TRPM7: variants seen among roughly 807,000 people sequenced by gnomAD.
TRPM7 encodes transient receptor potential cation channel subfamily M member 7, also known as LTRPC ion channel family member 7.
A neutral mutation model predicts 229.7 loss-of-function variants in TRPM7; 134 were observed. That is an observed-to-expected ratio of 0.58 (90% CI 0.51 to 0.67). The LOEUF is 0.67. Among genes scored for constraint, TRPM7 ranks in the 30% least tolerant of loss-of-function variants. The pLI is 0.00. For synonymous variants in TRPM7, 699 were observed against 715.2 expected (o/e 0.98, Z 0.36); for missense variants, 1,901 against 2,210.0 (o/e 0.86, Z 2.80).
rs781233688 is a variant in TRPM7, at chr15:50,609,532, C to A, written c.2580+49G>T. On this transcript the variant is annotated intron_variant, in intron 19 of 38. Coordinates refer to ENST00000646667, the MANE Select transcript of TRPM7 (RefSeq NM_017672.6). ...TATGGATTCCGAACCAATGGTCCCC[C>A]AAAGCCTAACTCTTAAAAACATTAT... 3 of 1,540,172 alleles carry A rather than the reference C, an allele frequency of 1.9e-6. 1 individual carries two copies. Among genetic ancestry groups the A allele is most frequent in the Middle Eastern group, 4.5e-4 (2 of 4,424 alleles).
intron 2 of TRPM7, among the ~76,000 whole-genome samples, chr15:50,662,477 T>C (rs2061751245): frequency 6.6e-6 from 1 of 152,224 alleles, no homozygotes; most frequent in Non-Finnish European, 1.5e-5. Flanking sequence ...CACAGACACC[T>C]ATAGTCTCTG....
intron 3 of TRPM7, among the ~76,000 whole-genome samples, chr15:50,651,265 C>G (rs1293594509): frequency 6.6e-6 from 1 of 152,106 alleles, no homozygotes; most frequent in African/African-American, 2.4e-5. Context: ...AATAAAATCA[C>G]TAAATGAAGA....
Position 50,631,490 on chromosome 15 carries a change from C to A in TRPM7, c.1132-1G>T. 1.3e-6 allele frequency: 2 copies of A among 1,584,432 alleles called. No homozygotes were observed. Among genetic ancestry groups the A allele is most frequent in the South Asian group, 2.2e-5 (2 of 90,062 alleles). On this transcript the variant is annotated splice_acceptor_variant, in intron 9 of 38. Transcript: ENST00000646667. LOFTEE classifies it high-confidence loss of function. ...CTGACCCAATATGGAAAACAGTGAT[C>A]TATTTAAAGATAAATTTATAACATT...
At chr15:50,661,399 C>A (rs1375492317) in intron 2 of TRPM7, among the ~76,000 whole-genome samples, 1 of 152,064 alleles carries the variant, frequency 6.6e-6, no homozygotes, top group African/African-American at 2.4e-5. Context: ...AATAAAGCCA[C>A]CAAATGTTAT....
intron 24 of TRPM7, 32 bp from the exon 25 acceptor site, chr15:50,593,781 A>T: frequency 6.3e-7 from 1 of 1,578,954 alleles, no homozygotes. Context: ...AAAATCAAGG[A>T]AGAGCTATCA....
At chr15:50,649,177 G>A (rs1417549123) in intron 3 of TRPM7, among the ~76,000 whole-genome samples, 2 of 152,092 alleles carry the variant, frequency 1.3e-5, no homozygotes, top group Non-Finnish European at 2.9e-5. Context: ...TGTGGCTCAC[G>A]CGGGTAATCC....
intron 29 of TRPM7, among the ~76,000 whole-genome samples, chr15:50,581,165 G>C (rs1271581342): frequency 6.6e-6 from 1 of 152,010 alleles, no homozygotes; most frequent in African/African-American, 2.4e-5. Context: ...TATTCTTTAT[G>C]AATTTTTATA....
In TRPM7 at chr15:50,561,744, C is replaced by G. The variant is rs1415288710; in HGVS notation, c.5532G>C (p.Leu1844Phe). The change falls in exon 39 of 39, where the codon TTG becomes TTC. Residue 1844 changes from leucine to phenylalanine, a missense_variant. By Grantham distance (22) the Leu-to-Phe change is conservative. Coordinates refer to ENST00000646667, the MANE Select transcript of TRPM7 (RefSeq NM_017672.6). ...TGGTGGAATTTCCAGGCTGAAGATT[C>G]AAATCTGAAGGCTCATCCTGAGGAA... ...IIFPQDEPSD[L>F]NLQPGNSTKE... 1.9e-6 allele frequency: 3 copies of G among 1,612,616 alleles called. No individual in the cohort carries two copies. Among genetic ancestry groups the G allele is most frequent in the African/African-American group, 2.7e-5 (2 of 74,566 alleles).
chr15:50,601,510 C>T (rs982508435), intron 21 of TRPM7, among the ~76,000 whole-genome samples: 9 of 152,122 alleles, frequency 5.9e-5, no homozygotes, highest in Middle Eastern at 3.4e-3. Flanking sequence ...GGCATGGTGG[C>T]GCACACCTGT....
At chr15:50,596,754 CT>C (rs751223322) in intron 22 of TRPM7, among the ~76,000 whole-genome samples, 2 of 151,578 alleles carry the variant, frequency 1.3e-5, no homozygotes, top group African/African-American at 2.4e-5. Flanking sequence ...AATGTCCAAA[CT>C]TTTTTTTTCC....
intron 7 of TRPM7, among the ~76,000 whole-genome samples, chr15:50,635,392 AATGG>A (rs2060864922): frequency 6.7e-6 from 1 of 148,524 alleles, no homozygotes; most frequent in Non-Finnish European, 1.5e-5. Flanking sequence ...AGAAAAAAGA[AATGG>A]CTCACGCCTG....
intron 15 of TRPM7, among the ~76,000 whole-genome samples, chr15:50,613,169 A>G (rs1241363914): frequency 6.6e-6 from 1 of 152,234 alleles, no homozygotes; most frequent in Non-Finnish European, 1.5e-5. Flanking sequence ...TCAGGTAAAC[A>G]TTTATTAAAA....
intron 3 of TRPM7, among the ~76,000 whole-genome samples, chr15:50,656,945 C>T (rs1213560286): frequency 6.6e-6 from 1 of 152,208 alleles, no homozygotes; most frequent in East Asian, 1.9e-4. Context: ...TTCAGGTTCT[C>T]ATCTTTTTGC....
At position 50,605,136 on chromosome 15, in the gene TRPM7, C is replaced by A; in HGVS notation, c.2718G>T (p.Met906Ile). 6.3e-7 allele frequency: 1 copy of A among 1,592,460 alleles called. No individual in the cohort carries two copies. Among genetic ancestry groups the A allele is most frequent in the Non-Finnish European group, 8.5e-7 (1 of 1,171,724 alleles). The change falls in exon 21 of 39, where the codon ATG (methionine) becomes ATT (isoleucine). Residue 906 changes from methionine (M) to isoleucine (I), a missense_variant. By Grantham distance (10) the Met-to-Ile change is conservative. Around this residue, in one of 8 missense-constraint regions of TRPM7, gnomAD observed 207 missense variants for 241.5 expected, o/e 0.86. Coordinates refer to ENST00000646667, the MANE Select transcript of TRPM7 (RefSeq NM_017672.6). The stretch of plus-strand genomic sequence containing the variant: ...TCTGGTTTACTTTCCCAGCTTCAGA[C>A]ATAAAGATCTAAAGGTTTAACAACA... ...YAIEKVREIF[M>I]SEAGKVNQKI...
At chr15:50,626,759 C>T (rs1199940597) in intron 11 of TRPM7, among the ~76,000 whole-genome samples, 3 of 151,490 alleles carry the variant, frequency 2.0e-5, no homozygotes, top group Non-Finnish European at 4.4e-5. Flanking sequence ...ACTAAATAAA[C>T]TCTTTTTTAT....
Position 50,632,827 on chromosome 15 carries a change from A to G in TRPM7, c.1131+42T>C. ...AGAATGTGTTTTGAATGAAAGAAAA[A>G]TGGCCTATCAGCTTTTTAAATTTCT... On this transcript the variant is annotated intron_variant, in intron 9 of 38. Transcript: ENST00000646667. 2 of 1,475,740 alleles carry G rather than the reference A, an allele frequency of 1.4e-6. 1 individual carries two copies. Among genetic ancestry groups the G allele is most frequent in the South Asian group, 2.9e-5 (2 of 68,212 alleles). 91.4% of individuals were successfully genotyped at this position (1,475,740 alleles called of 1,614,324 possible). A position where few individuals can be genotyped will look rare whatever the true frequency, so the allele number is the denominator to read the frequency against.
intron 29 of TRPM7, chr15:50,582,350 C>CT (rs1157749631): frequency 1.3e-5 from 2 of 151,772 alleles, no homozygotes; most frequent in Non-Finnish European, 2.9e-5. Flanking sequence ...ATATTTAAAA[C>CT]TTTTTTATGT....
At chr15:50,668,529 A>G in intron 1 of TRPM7, among the ~76,000 whole-genome samples, 1 of 152,132 alleles carries the variant, frequency 6.6e-6, no homozygotes. Context: ...TTTTTGAGAC[A>G]AAGAGTTTTG....
At chr15:50,569,462 C>A (rs1198284209) in intron 38 of TRPM7, among the ~76,000 whole-genome samples, 1 of 152,130 alleles carries the variant, frequency 6.6e-6, no homozygotes, top group Admixed American at 6.5e-5. Flanking sequence ...CAGGATCATT[C>A]CCGGACCTGG....
Sources: gnomAD v4.1 joint callset for allele counts (sites outside exome capture counted in the v4.1 genomes callset) on GRCh38, gnomAD v4.1.1 for gene constraint, gnomAD v4.1.1 regional missense constraint, MANE v1.5 for transcripts, NCBI Gene and HGNC (gene_info 2026-07-23, HGNC 2026-07-21) for gene names.